Variants in ATP10A observed in about 807,000 individuals in gnomAD.
The protein encoded by ATP10A is ATPase phospholipid transporting 10A (putative).
ATP10A carries 111 observed loss-of-function variants against 147.8 expected under a neutral mutation model. That is an observed-to-expected ratio of 0.75 (90% CI 0.64 to 0.88). The LOEUF (loss-of-function observed/expected upper bound fraction) is 0.88. Among genes scored for constraint, ATP10A ranks in the 40% least tolerant of loss-of-function variants. ATP10A has a pLI of 0.00. For synonymous variants in ATP10A, 875 were observed against 841.6 expected (o/e 1.04, Z -0.69); for missense variants, 1,927 against 1,959.0 (o/e 0.98, Z 0.31).
chr15:25,679,583 T>C lies in ATP10A; in HGVS notation c.4258A>G (p.Thr1420Ala), dbSNP rs770101452. ...GAAGACAGGGGGGTCACCCTGCCGG[T>C]GCTGGCAGCTCTCACCTTGGACTCC... ...PEESKVRAAS[T>A]GRVTPLSSLF... The change falls in exon 21 of 21, where the codon ACC becomes GCC. Residue 1420 changes from threonine (T) to alanine (A), a missense_variant. Thr to Ala is a moderately conservative substitution (Grantham distance 58, BLOSUM62 0). Transcript: ENST00000555815. 7 of 1,610,424 alleles carry C rather than the reference T, an allele frequency of 4.3e-6. No individual in the cohort carries two copies. The African/African-American group carries it at 9.4e-5, about 22-fold the overall frequency.
chr15:25,708,160 C>T, intron 11 of ATP10A, 37 bp downstream of exon 11: 1 of 1,613,604 alleles, frequency 6.2e-7, no homozygotes, highest in Non-Finnish European at 8.5e-7. Context: ...GGGGCGGCCA[C>T]CTGCACGTGC....
intron 1 of ATP10A, among the ~76,000 whole-genome samples, chr15:25,839,065 A>G (rs964941349): frequency 6.6e-6 from 1 of 152,154 alleles, no homozygotes; most frequent in African/African-American, 2.4e-5. Context: ...TACCTAGGTG[A>G]CAGCAATGAC....
intron 2 of ATP10A, among the ~76,000 whole-genome samples, chr15:25,754,622 A>G (rs920784547): frequency 1.3e-5 from 2 of 152,202 alleles, no homozygotes; most frequent in Non-Finnish European, 2.9e-5. Context: ...GCAATCTCAG[A>G]GGTAAAGTCA....
intron 1 of ATP10A, among the ~76,000 whole-genome samples, chr15:25,859,817 G>A (rs1051101470): frequency 4.6e-5 from 7 of 152,172 alleles, no homozygotes; most frequent in Middle Eastern, 3.4e-3. Context: ...AAACGATGAC[G>A]CACTACAGGC....
At chr15:25,696,520 C>T (rs1393948919) in intron 13 of ATP10A, among the ~76,000 whole-genome samples, 5 of 152,204 alleles carry the variant, frequency 3.3e-5, no homozygotes, top group African/African-American at 4.8e-5. Flanking sequence ...TGACTTCAGG[C>T]GGCACTTGGG....
chr15:25,787,477 G>C (rs1890223027), intron 1 of ATP10A, among the ~76,000 whole-genome samples: 1 of 151,930 alleles, frequency 6.6e-6, no homozygotes, highest in South Asian at 2.1e-4. Context: ...AGCCAGGTGT[G>C]CTGGCACACC....
intron 1 of ATP10A, among the ~76,000 whole-genome samples, chr15:25,830,287 C>T (rs1892301524): frequency 6.6e-6 from 1 of 152,154 alleles, no homozygotes; most frequent in African/African-American, 2.4e-5. Context: ...CTCCACTCTC[C>T]TAAGGGGTGC....
chr15:25,693,844 G>A (rs1433605722), intron 14 of ATP10A, among the ~76,000 whole-genome samples: 2 of 152,190 alleles, frequency 1.3e-5, no homozygotes, highest in African/African-American at 4.8e-5. Flanking sequence ...CTCAACAGCG[G>A]TCTCCTCTGG....
downstream of ATP10A, among the ~76,000 whole-genome samples, chr15:25,675,860 C>T (rs1404614667): frequency 2.0e-5 from 3 of 151,992 alleles, no homozygotes; most frequent in African/African-American, 7.2e-5. Context: ...GCAGGAGGAC[C>T]CTGTGGGCCC....
Position 25,721,808 on chromosome 15 carries a change from G to A in ATP10A, c.1212C>T (p.Asp404=), listed in dbSNP as rs779192557. Residue 404 remains aspartate, a synonymous_variant, in exon 7 of 21, where the codon GAC becomes GAT. Transcript: ENST00000555815. ...QDMQLYDEET[D]SQLQCRALNI... ...TCAGAGCTCGGCACTGCAGCTGCGA[G>A]TCTGTTTCTTCGTCATACAACTGCA... 6.2e-7 allele frequency: 1 copy of A among 1,614,060 alleles called. No homozygotes were observed. Among genetic ancestry groups the A allele is most frequent in the African/African-American group, 1.3e-5 (1 of 74,908 alleles).
At chr15:25,848,338 G>C (rs1893124579) in intron 1 of ATP10A, among the ~76,000 whole-genome samples, 1 of 151,898 alleles carries the variant, frequency 6.6e-6, no homozygotes, top group Admixed American at 6.6e-5. Flanking sequence ...GCCCAGGCTG[G>C]AGTGCAGTAG....
chr15:25,682,053 T>TAAAA (rs5811392), intron 17 of ATP10A, among the ~76,000 whole-genome samples: 1 of 127,194 alleles, frequency 7.9e-6, no homozygotes, highest in African/African-American at 3.0e-5. Context: ...GACCTTGTCT[T>TAAAA]AAAAAAAAAA....
At chr15:25,737,139 T>G (rs1179694780) in intron 2 of ATP10A, among the ~76,000 whole-genome samples, 4 of 152,214 alleles carry the variant, frequency 2.6e-5, no homozygotes, top group African/African-American at 7.2e-5. Context: ...GAAATTGAAA[T>G]GCTATTTTAA....
chr15:25,794,071 T>C (rs961277172), intron 1 of ATP10A, among the ~76,000 whole-genome samples: 8 of 152,236 alleles, frequency 5.3e-5, no homozygotes. Context: ...TAAATCAGAA[T>C]TCTGAAGATG....
rs562238798 is a variant in ATP10A, at chr15:25,784,314, G to A, written c.450-3091C>T. ...GGCAGTCCTGGGCCTCACCCTGGGC[G>A]GAGGAGGAGAGACACCGCAAGGCAC... is the stretch of plus-strand genomic sequence containing the variant. On this transcript the variant is annotated intron_variant, in intron 1 of 20. Coordinates refer to ENST00000555815, the MANE Select transcript of ATP10A (RefSeq NM_024490.4). Among the ~76,000 whole-genome samples the A allele has an allele frequency of 2.2e-4, 33 of 152,282 alleles. No homozygotes were observed. The South Asian group carries it at 5.4e-3, about 25-fold the overall frequency.
At chr15:25,708,940 T>C (rs924786839) in intron 10 of ATP10A, 2 of 152,730 alleles carry the variant, frequency 1.3e-5, no homozygotes, top group Non-Finnish European at 2.9e-5. Context: ...CTGGCAACAC[T>C]ACTGACCAGT....
At chr15:25,850,717 C>A (rs1893257068) in intron 1 of ATP10A, among the ~76,000 whole-genome samples, 1 of 146,216 alleles carries the variant, frequency 6.8e-6, no homozygotes, top group Non-Finnish European at 1.5e-5. Context: ...CAAGACCTGG[C>A]CGCGCTCACC....
intron 1 of ATP10A, among the ~76,000 whole-genome samples, chr15:25,820,307 A>T (rs1891827164): frequency 6.6e-6 from 1 of 152,208 alleles, no homozygotes; most frequent in South Asian, 2.1e-4. Flanking sequence ...AAAGTTAAAG[A>T]AGTAAATTTC....
chr15:25,766,878 T>C (rs1361289293), intron 2 of ATP10A, among the ~76,000 whole-genome samples: 2 of 145,414 alleles, frequency 1.4e-5, no homozygotes, highest in Non-Finnish European at 3.0e-5. Context: ...GTTTTGTCCA[T>C]ACTTTAAACT....
Sources: allele counts gnomAD v4.1 joint callset (sites outside exome capture counted in the v4.1 genomes callset), GRCh38; gene constraint gnomAD v4.1.1; transcripts MANE v1.5; gene names NCBI Gene and HGNC (gene_info 2026-07-23, HGNC 2026-07-21).